Variants in SEC23B observed in about 807,000 individuals in gnomAD.
The protein encoded by SEC23B is SEC23 homolog B, COPII component, also known as protein transport protein Sec23B.
Under a neutral mutation model 104.3 loss-of-function variants are expected in SEC23B, and 77 were observed. The observed-to-expected ratio is 0.74, with a 90% CI of 0.61 to 0.89. SEC23B has a LOEUF of 0.89. Ranked by LOEUF, SEC23B falls within the 40% of genes least tolerant of loss-of-function variation. The pLI, the probability that SEC23B is intolerant of heterozygous loss-of-function variation, is 0.00. For synonymous variants in SEC23B, 338 were observed against 332.5 expected, an observed-to-expected ratio of 1.02 and a Z score of -0.18; for missense variants, 885 against 949.4, an observed-to-expected ratio of 0.93 and a Z score of 0.89.
chr20:18,518,941 G>A (rs967352103), intron 4 of SEC23B, among the ~76,000 whole-genome samples: 1 of 152,144 alleles, frequency 6.6e-6, no homozygotes, highest in African/African-American at 2.4e-5. Flanking sequence ...GATATGGAAG[G>A]CATATTTAGA....
intron 16 of SEC23B, among the ~76,000 whole-genome samples, chr20:18,548,981 A>T (rs1307229966): frequency 6.6e-6 from 1 of 152,216 alleles, no homozygotes; most frequent in Non-Finnish European, 1.5e-5. Context: ...AAATGTAAAA[A>T]ACTCTAGGAA....
intron 4 of SEC23B, among the ~76,000 whole-genome samples, chr20:18,523,857 A>G (rs185214262): frequency 1.3e-5 from 2 of 152,104 alleles, no homozygotes; most frequent in African/African-American, 2.4e-5. Context: ...GGCATATGCC[A>G]TCATCCCCAA....
chr20:18,547,573 C>T (rs904085642), intron 15 of SEC23B, among the ~76,000 whole-genome samples: 1 of 152,100 alleles, frequency 6.6e-6, no homozygotes, highest in African/African-American at 2.4e-5. Flanking sequence ...TTCTCCCCTG[C>T]ACCAACACTT....
chr20:18,542,471 C>T lies in SEC23B; in HGVS notation c.1511+69C>T, dbSNP rs2060296808. 3.0e-6 allele frequency: 4 copies of T among 1,345,098 alleles called. No individual in the cohort carries two copies. In the African/African-American group the frequency reaches 5.8e-5, roughly 19 times the overall value. The allele number at this position is 1,345,098 out of a possible 1,614,324, so 83.3% of individuals were successfully genotyped here. ...TTTTTCCCTTGAAGAGATACTTTAA[C>T]ATTTGTTAGTTTGTCTTTTTGATTC... On this transcript the variant is annotated intron_variant, in intron 13 of 19. Transcript: ENST00000650089.
At chr20:18,525,708 C>A in intron 6 of SEC23B, 80 bp from the exon 7 acceptor site, 1 of 1,395,518 alleles carries the variant, frequency 7.2e-7, no homozygotes, top group Non-Finnish European at 1.0e-6. Context: ...TCTTGAAGAG[C>A]AGTAATTATG....
chr20:18,512,191 T>A, intron 2 of SEC23B, 34 bp from the exon 3 acceptor site: 4 of 1,307,440 alleles, frequency 3.1e-6, no homozygotes, highest in Non-Finnish European at 4.3e-6. Context: ...AAAATAAAAG[T>A]GGTACCTACT....
chr20:18,534,449 A>G (rs2060210874), intron 11 of SEC23B, among the ~76,000 whole-genome samples: 2 of 152,134 alleles, frequency 1.3e-5, no homozygotes, highest in Admixed American at 6.5e-5. Flanking sequence ...TTTGCCAAGC[A>G]TTGTTCCTGG....
At chr20:18,524,043 C>G (rs1440348391) in intron 4 of SEC23B, among the ~76,000 whole-genome samples, 1 of 152,132 alleles carries the variant, frequency 6.6e-6, no homozygotes, top group Non-Finnish European at 1.5e-5. Flanking sequence ...GCCCTGATTT[C>G]TCTGTTTAAC....
intron 11 of SEC23B, among the ~76,000 whole-genome samples, 184 bp from the exon 12 acceptor site, chr20:18,535,469 T>G (rs1424814601): frequency 1.3e-5 from 2 of 152,200 alleles, no homozygotes; most frequent in Non-Finnish European, 2.9e-5. Flanking sequence ...TTTTAAAGTG[T>G]AAATGTAAAT....
intron 4 of SEC23B, among the ~76,000 whole-genome samples, chr20:18,517,922 T>A (rs769798111): frequency 6.6e-6 from 1 of 152,020 alleles, no homozygotes; most frequent in Non-Finnish European, 1.5e-5. Context: ...AATTAGAGAG[T>A]GTCCAAGGGA....
intron 4 of SEC23B, among the ~76,000 whole-genome samples, chr20:18,521,443 A>G (rs1021810827): frequency 2.6e-5 from 4 of 152,138 alleles, no homozygotes; most frequent in Non-Finnish European, 5.9e-5. Flanking sequence ...TTTATATCTG[A>G]TGAAAAAGAG....
At chr20:18,550,817 C>T (rs1028065574) in intron 16 of SEC23B, among the ~76,000 whole-genome samples, 7 of 111,314 alleles carry the variant, frequency 6.3e-5, no homozygotes, top group African/African-American at 1.7e-4. Context: ...AGAGCAACAC[C>T]CTGACTCTTA....
intron 9 of SEC23B, 46 bp from the exon 10 acceptor site, chr20:18,530,634 C>T: frequency 6.2e-7 from 1 of 1,605,510 alleles, no homozygotes. Flanking sequence ...ATCTGAATGG[C>T]TTTCAATCTT....
chr20:18,530,543 T>A (rs1032953275), intron 9 of SEC23B, 137 bp from the exon 10 acceptor site: 45 of 1,029,980 alleles, frequency 4.4e-5, no homozygotes, highest in Non-Finnish European at 5.9e-5. Flanking sequence ...CCTGTTTTTT[T>A]ATATTTAAAT....
chr20:18,532,601 C>A, intron 10 of SEC23B, 63 bp from the exon 11 acceptor site: 1 of 1,138,140 alleles, frequency 8.8e-7, no homozygotes, highest in Non-Finnish European at 1.3e-6. Flanking sequence ...TCATTGTGGC[C>A]ATGATGACAG....
rs373481567 is a variant in SEC23B at position 18,554,826 on chromosome 20, C to A, written c.2149-282C>A. ...GGGGCTACAGAGTGAGACTCCGTCT[C>A]AAAAAAAAAAAAAAAATGAGTGGTC... On this transcript the variant is annotated intron_variant, in intron 18 of 19. Coordinates refer to ENST00000650089, the MANE Select transcript of SEC23B (RefSeq NM_006363.6). Among the ~76,000 whole-genome samples, 1,356 of 119,708 alleles carry A rather than the reference C, an allele frequency of 0.011. No homozygotes were observed. Among genetic ancestry groups the A allele is most frequent in the African/African-American group, 0.012 (346 of 29,322 alleles). 78.5% of individuals were successfully genotyped at this position (119,708 alleles called of 152,430 possible). A position where few individuals can be genotyped will look rare whatever the true frequency, so the allele number is the denominator to read the frequency against.
chr20:18,550,278 C>T (rs1043417624), intron 16 of SEC23B, among the ~76,000 whole-genome samples: 6 of 152,000 alleles, frequency 3.9e-5, no homozygotes, highest in African/African-American at 1.4e-4. Flanking sequence ...CTTCAGCCTC[C>T]TGAATAGCTG....
Position 18,515,744 on chromosome 20 carries a change from C to T in SEC23B, c.366+8C>T, listed in dbSNP as rs762127452. Reference sequence around the variant, plus strand: ...ATTGAGTACGTGATACAGGTAATTTCTTTGTTGTGCATTTAATGAGCAATG... The same window carrying T: ...ATTGAGTACGTGATACAGGTAATTTTTTTGTTGTGCATTTAATGAGCAATG... On this transcript the variant is annotated splice_region_variant and intron_variant, in intron 4 of 19. Coordinates refer to ENST00000650089, the MANE Select transcript of SEC23B (RefSeq NM_006363.6). 1 of 1,523,718 alleles carries T rather than the reference C, an allele frequency of 6.6e-7. No individual in the cohort carries two copies. Among genetic ancestry groups the T allele is most frequent in the Non-Finnish European group, 9.1e-7 (1 of 1,097,656 alleles). The allele number at this position is 1,523,718 out of a possible 1,614,324, so 94.4% of individuals were successfully genotyped here. A position where few individuals can be genotyped will look rare whatever the true frequency, so the allele number is the denominator to read the frequency against.
At chr20:18,543,599 A>G (rs1047826972) in intron 14 of SEC23B, among the ~76,000 whole-genome samples, 1 of 152,226 alleles carries the variant, frequency 6.6e-6, no homozygotes, top group Non-Finnish European at 1.5e-5. Flanking sequence ...AAAGTCTTTT[A>G]TAAAGAATAC....
Sources: gnomAD v4.1 joint callset for allele counts (sites outside exome capture counted in the v4.1 genomes callset) on GRCh38, gnomAD v4.1.1 for gene constraint, MANE v1.5 for transcripts, NCBI Gene and HGNC (gene_info 2026-07-23, HGNC 2026-07-21) for gene names.